THSD4: variants seen among roughly 807,000 people sequenced by gnomAD.
THSD4 encodes thrombospondin type 1 domain containing 4.
THSD4 carries 69 observed loss-of-function variants against 119.0 expected under a neutral mutation model. That is an observed-to-expected ratio of 0.58 (90% CI 0.48 to 0.71). The LOEUF (loss-of-function observed/expected upper bound fraction) is 0.71. Ranked by LOEUF, THSD4 falls within the 30% of genes least tolerant of loss-of-function variation. The pLI is 0.00. For synonymous variants in THSD4, 524 were observed against 540.4 expected (o/e 0.97, Z 0.42); for missense variants, 1,393 against 1,391.1 (o/e 1.00, Z -0.02).
chr15:71,377,862 T>C (rs2046160990), intron 6 of THSD4, among the ~76,000 whole-genome samples: 1 of 97,796 alleles, frequency 1.0e-5, no homozygotes, highest in African/African-American at 3.5e-5. Context: ...CCCGGACATA[T>C]CCACAACACA....
At chr15:71,757,196 C>T (rs1402718463) in intron 14 of THSD4, among the ~76,000 whole-genome samples, 1 of 152,156 alleles carries the variant, frequency 6.6e-6, no homozygotes, top group Non-Finnish European at 1.5e-5. Context: ...GATATCAACA[C>T]TGATGTACCT....
At position 71,663,809 on chromosome 15, in the gene THSD4, A is replaced by G. The variant is rs530785501; in HGVS notation, c.1357+3075A>G. ...TTTCTCCATAATTCTCTAGGTAACAATGAGGGTTCTGGTTTTCTTACCTTG... is the reference window on the plus strand; with the variant it reads ...TTTCTCCATAATTCTCTAGGTAACAGTGAGGGTTCTGGTTTTCTTACCTTG... On this transcript the variant is annotated intron_variant, in intron 8 of 17. Coordinates refer to ENST00000261862, the MANE Select transcript of THSD4 (RefSeq NM_024817.3). Among the ~76,000 whole-genome samples the G allele has an allele frequency of 1.4e-4, 22 of 152,260 alleles. No homozygotes were observed. The East Asian group carries it at 2.9e-3, about 20-fold the overall frequency.
rs572797149 is a variant in THSD4 at position 71,662,979 on chromosome 15, A to G, written c.1357+2245A>G. Among the ~76,000 whole-genome samples the G allele has an allele frequency of 4.3e-4, 66 of 152,136 alleles. No homozygotes were observed. The South Asian group carries it at 0.011, about 25-fold the overall frequency. On this transcript the variant is annotated intron_variant, in intron 8 of 17. Transcript: ENST00000261862. ...TGGAGTCAGTGAGGGGCGGGCAGGG[A>G]GGTTCATGTCTGTAAGCCCAGCGCT...
intron 1 of THSD4, among the ~76,000 whole-genome samples, chr15:71,105,391 C>A (rs367752644): frequency 6.6e-6 from 1 of 152,136 alleles, no homozygotes; most frequent in African/African-American, 2.4e-5. Flanking sequence ...AATTGGGGTA[C>A]CCCTCTCTCC....
Position 71,727,555 on chromosome 15 carries a change from T to A in THSD4, c.1358-994T>A, listed in dbSNP as rs1337307748. On this transcript the variant is annotated intron_variant, in intron 8 of 17. Transcript: ENST00000261862. ...TTAAAAAAAAAAAAAAAAAAAAAAA[T>A]ATATATATATATATATATATATATA... Among the ~76,000 whole-genome samples, 198 of 121,640 alleles carry A rather than the reference T, an allele frequency of 1.6e-3. 1 individual carries two copies. Among genetic ancestry groups the A allele is most frequent in the African/African-American group, 7.4e-3 (183 of 24,852 alleles). 79.8% of individuals were successfully genotyped at this position (121,640 alleles called of 152,430 possible). A position where few individuals can be genotyped will look rare whatever the true frequency, so the allele number is the denominator to read the frequency against.
At chr15:71,330,742 A>G (rs1279501025) in intron 6 of THSD4, among the ~76,000 whole-genome samples, 1 of 152,170 alleles carries the variant, frequency 6.6e-6, no homozygotes, top group African/African-American at 2.4e-5. Flanking sequence ...CTTCTGATGT[A>G]CAATACTGTC....
At chr15:71,547,840 C>T (rs1349032389) in intron 7 of THSD4, 1 of 166,906 alleles carries the variant, frequency 6.0e-6, no homozygotes, top group Admixed American at 6.5e-5. Context: ...GAGAATTTTT[C>T]TCCAGTGCTG....
At chr15:71,513,774 C>T (rs1319194885) in intron 7 of THSD4, among the ~76,000 whole-genome samples, 1 of 152,186 alleles carries the variant, frequency 6.6e-6, no homozygotes, top group Non-Finnish European at 1.5e-5. Flanking sequence ...AAACTGGAAA[C>T]AACGCAAACA....
At chr15:71,557,575 C>T (rs1247815099) in intron 7 of THSD4, among the ~76,000 whole-genome samples, 2 of 152,062 alleles carry the variant, frequency 1.3e-5, no homozygotes, top group Admixed American at 6.5e-5. Flanking sequence ...CCTAGAAAGT[C>T]ACCTAAAAAA....
chr15:71,260,175 T>C (rs1419553926), intron 6 of THSD4, among the ~76,000 whole-genome samples: 2 of 152,234 alleles, frequency 1.3e-5, no homozygotes, highest in Non-Finnish European at 2.9e-5. Context: ...ATGTATTACA[T>C]GTGAATGCCT....
intron 7 of THSD4, among the ~76,000 whole-genome samples, chr15:71,629,956 C>T (rs1052047867): frequency 3.9e-5 from 6 of 152,180 alleles, no homozygotes; most frequent in African/African-American, 1.4e-4. Context: ...TGGCCAGGCC[C>T]TTGTGTGCTC....
chr15:71,422,545 A>G (rs2046821974), intron 7 of THSD4, among the ~76,000 whole-genome samples: 1 of 152,104 alleles, frequency 6.6e-6, no homozygotes, highest in Non-Finnish European at 1.5e-5. Flanking sequence ...ACAAGAATGG[A>G]GTCTCTCTCT....
In THSD4 at chr15:71,122,062, C is replaced by T. The variant is rs927057299; in HGVS notation, c.-80+6364C>T. On this transcript the variant is annotated intron_variant, in intron 1 of 17. Coordinates refer to ENST00000261862, the MANE Select transcript of THSD4 (RefSeq NM_024817.3). ...ACAGGGCGTGTAGTGACAGTATAGC[C>T]TTTAGTTCCATTTAGTTTCTTTTCC... 5.6e-4 allele frequency among the ~76,000 whole-genome samples: 85 copies of T among 152,166 alleles called. 1 individual carries two copies. The highest frequency in any genetic ancestry group is 1.9e-3 in the African/African-American group (80 of 41,508).
chr15:71,290,875 C>CTTTTTTTTTTTTTTTTTT (rs11438956), intron 6 of THSD4, among the ~76,000 whole-genome samples: 1 of 129,476 alleles, frequency 7.7e-6, no homozygotes, highest in Non-Finnish European at 1.6e-5. Flanking sequence ...TCCTTTTTTC[C>CTTTTTTTTTTTTTTTTTT]TTTTTTTTTT....
intron 7 of THSD4, among the ~76,000 whole-genome samples, chr15:71,444,616 C>T (rs981026786): frequency 2.6e-5 from 4 of 152,194 alleles, no homozygotes; most frequent in Admixed American, 2.6e-4. Flanking sequence ...TTTCTTCCTC[C>T]CTTGTGCACG....
In THSD4 at chr15:71,780,376, G is replaced by A. The variant is rs748286043; in HGVS notation, c.*3002G>A. ...AAAGTCCAAACAAAAATAGTTTGCC[G>A]TTTTACTTTCATCCATTGAAAAAGG... On this transcript the variant is annotated 3_prime_UTR_variant, in exon 18 of 18. Coordinates refer to ENST00000261862, the MANE Select transcript of THSD4 (RefSeq NM_024817.3). The A allele has an allele frequency of 2.3e-4, 41 of 175,238 alleles. No homozygotes were observed. Among genetic ancestry groups the A allele is most frequent in the Non-Finnish European group, 3.1e-4 (25 of 80,548 alleles). 10.9% of individuals were successfully genotyped at this position (175,238 alleles called of 1,614,324 possible). A position where few individuals can be genotyped will look rare whatever the true frequency, so the allele number is the denominator to read the frequency against.
intron 7 of THSD4, among the ~76,000 whole-genome samples, chr15:71,631,085 C>T (rs1190242152): frequency 6.6e-6 from 1 of 152,300 alleles, no homozygotes; most frequent in East Asian, 1.9e-4. Context: ...GAGTACTCTG[C>T]ATTGGATGGC....
intron 3 of THSD4, among the ~76,000 whole-genome samples, chr15:71,169,070 T>C (rs2043325165): frequency 6.6e-6 from 1 of 152,192 alleles, no homozygotes; most frequent in African/African-American, 2.4e-5. Context: ...AAGATTTTTA[T>C]TCAGAATATA....
chr15:71,344,219 A>G (rs565249250), intron 6 of THSD4, among the ~76,000 whole-genome samples: 3 of 151,874 alleles, frequency 2.0e-5, no homozygotes, highest in South Asian at 2.1e-4. Flanking sequence ...TTGTTTTTGT[A>G]TTTTTAATAG....
Sources: allele counts gnomAD v4.1 joint callset (sites outside exome capture counted in the v4.1 genomes callset), GRCh38; gene constraint gnomAD v4.1.1; transcripts MANE v1.5; gene names NCBI Gene and HGNC (gene_info 2026-07-23, HGNC 2026-07-21).